Variants in STRN3 observed in about 807,000 individuals in gnomAD.
The protein encoded by STRN3 is striatin 3.
STRN3 carries 29 observed loss-of-function variants against 95.6 expected under a neutral mutation model. That is an observed-to-expected ratio of 0.30 (90% CI 0.23 to 0.41). STRN3 has a LOEUF of 0.41. Ranked by LOEUF, STRN3 falls within the 10% of genes least tolerant of loss-of-function variation. The pLI, the probability that STRN3 is intolerant of heterozygous loss-of-function variation, is 1.00. For synonymous variants in STRN3, 331 were observed against 357.6 expected (o/e 0.93, Z 0.84); for missense variants, 890 against 972.1 (o/e 0.92, Z 1.12).
rs759875292 is a variant in STRN3 at position 30,944,517 on chromosome 14, TAATA to T, written c.716+2569_716+2572del. 3.1e-3 allele frequency among the ~76,000 whole-genome samples: 455 copies of T among 145,668 alleles called. 2 individuals are homozygous for T. The highest frequency in any genetic ancestry group is 5.0e-3 in the Non-Finnish European group (336 of 66,756). Reference sequence around the variant, plus strand: ...ACATATATATACATGTATATATACATAATATATACACATATATATACATGTATAT... The same window carrying T: ...ACATATATATACATGTATATATACATTATACACATATATATACATGTATAT... On this transcript the variant is annotated intron_variant, in intron 5 of 17. Transcript: ENST00000357479.
intron 1 of STRN3, among the ~76,000 whole-genome samples, chr14:31,015,507 A>G (rs920804325): frequency 2.0e-5 from 3 of 151,764 alleles, no homozygotes; most frequent in Non-Finnish European, 4.4e-5. Context: ...TGAGTAGCTG[A>G]ACTACAGGCA....
At chr14:30,903,812 CTT>C in intron 15 of STRN3, among the ~76,000 whole-genome samples, 1 of 152,242 alleles carries the variant, frequency 6.6e-6, no homozygotes, top group East Asian at 1.9e-4. Flanking sequence ...TTCCAAGTGA[CTT>C]TAAAGCATAG....
intron 1 of STRN3, among the ~76,000 whole-genome samples, chr14:31,001,702 T>C (rs1429827584): frequency 6.6e-6 from 1 of 152,190 alleles, no homozygotes; most frequent in East Asian, 1.9e-4. Context: ...ACAGCAACAC[T>C]ATTCACAATT....
intron 15 of STRN3, 33 bp downstream of exon 15, chr14:30,905,381 CTTTT>C (rs758337363): frequency 6.4e-7 from 1 of 1,554,506 alleles, no homozygotes; most frequent in Non-Finnish European, 8.6e-7. Context: ...TGTAATAACC[CTTTT>C]TAAGGTTTCA....
intron 1 of STRN3, among the ~76,000 whole-genome samples, chr14:31,007,708 T>C (rs1467107144): frequency 6.6e-6 from 1 of 150,888 alleles, no homozygotes; most frequent in Admixed American, 6.6e-5. Flanking sequence ...TTCAAGACCA[T>C]CCTAGGCAAA....
chr14:30,929,139 TGAA>T lies in STRN3; in HGVS notation c.1099+59_1099+61del, dbSNP rs1449832062. ...ATTAAGTTACACAAAGAAACAGAAT[TGAA>T]GAACTTTTTTCTCAATTATTGGTAT... On this transcript the variant is annotated intron_variant, in intron 8 of 17. Coordinates refer to ENST00000357479, the MANE Select transcript of STRN3 (RefSeq NM_001083893.2). The T allele has an allele frequency of 3.6e-6, 5 of 1,388,904 alleles. No individual in the cohort carries two copies. In the Admixed American group the frequency reaches 1.1e-4, roughly 31 times the overall value. 86.0% of individuals were successfully genotyped at this position (1,388,904 alleles called of 1,614,324 possible). A position where few individuals can be genotyped will look rare whatever the true frequency, so the allele number is the denominator to read the frequency against.
At chr14:30,941,107 A>T (rs900575307) in intron 5 of STRN3, among the ~76,000 whole-genome samples, 1 of 152,184 alleles carries the variant, frequency 6.6e-6, no homozygotes, top group Non-Finnish European at 1.5e-5. Flanking sequence ...TCTTCACCAG[A>T]ACCCAACCAT....
rs1305462986 is a variant in STRN3 at position 30,936,476 on chromosome 14, T to C, written c.846+19A>G. 1.2e-6 allele frequency: 2 copies of C among 1,606,498 alleles called. No homozygotes were observed. The highest frequency in any genetic ancestry group is 2.2e-5 in the East Asian group (1 of 44,736). Reference sequence around the variant, plus strand: ...TACATGAATATATAGCTAATAAGAATATAAAATGTAATTCCTACTTTATGT... The same window carrying C: ...TACATGAATATATAGCTAATAAGAACATAAAATGTAATTCCTACTTTATGT... On this transcript the variant is annotated intron_variant, in intron 6 of 17. Transcript: ENST00000357479.
At chr14:31,002,268 TCGAGAC>T (rs1413238107) in intron 1 of STRN3, among the ~76,000 whole-genome samples, 2 of 148,502 alleles carry the variant, frequency 1.3e-5, no homozygotes, top group Non-Finnish European at 1.5e-5. Context: ...GGTCAGGATA[TCGAGAC>T]CATCCTGCCT....
intron 1 of STRN3, among the ~76,000 whole-genome samples, chr14:31,003,551 G>C (rs1161758021): frequency 6.6e-6 from 1 of 152,006 alleles, no homozygotes; most frequent in Admixed American, 6.6e-5. Context: ...CACTCCATTA[G>C]TTCCAGCAAA....
intron 7 of STRN3, among the ~76,000 whole-genome samples, chr14:30,930,332 T>C (rs1878469043): frequency 6.6e-6 from 1 of 152,158 alleles, no homozygotes; most frequent in Non-Finnish European, 1.5e-5. Context: ...ATATTCTGGC[T>C]AACAAGTTTT....
At chr14:30,971,473 TA>T (rs1320115778) in intron 1 of STRN3, among the ~76,000 whole-genome samples, 2 of 152,204 alleles carry the variant, frequency 1.3e-5, no homozygotes, top group East Asian at 3.8e-4. Context: ...GTAGATTGGA[TA>T]AACTATATCT....
chr14:30,948,892 C>T (rs1339200867), intron 4 of STRN3, among the ~76,000 whole-genome samples: 1 of 152,184 alleles, frequency 6.6e-6, no homozygotes, highest in East Asian at 1.9e-4. Context: ...TTGGGGAGAA[C>T]AGCTCCCATC....
intron 1 of STRN3, among the ~76,000 whole-genome samples, chr14:31,018,099 G>A (rs1883329391): frequency 7.0e-6 from 1 of 142,470 alleles, no homozygotes; most frequent in Non-Finnish European, 1.6e-5. Context: ...AAAAAAAAAA[G>A]GAAATTAATT....
rs755650146 is a variant in STRN3 at position 30,984,266 on chromosome 14, TAAAAA to T, written c.283-28029_283-28025del. The stretch of plus-strand genomic sequence containing the variant: ...AAAGAAAGAAAAGGATGAGGAATTC[TAAAAA>T]AAAAAAAAAAAAAAAAAAAAACAGA... On this transcript the variant is annotated intron_variant, in intron 1 of 17. Transcript: ENST00000357479. Among the ~76,000 whole-genome samples, 50 of 86,870 alleles carry T rather than the reference TAAAAA, an allele frequency of 5.8e-4. 1 individual carries two copies. The highest frequency in any genetic ancestry group is 1.1e-3 in the South Asian group (2 of 1,828). The allele number at this position is 86,870 out of a possible 152,430, so 57.0% of individuals were successfully genotyped here.
chr14:30,968,678 CAA>C (rs202184920), intron 1 of STRN3, among the ~76,000 whole-genome samples: 150 of 127,832 alleles, frequency 1.2e-3, no homozygotes, highest in Non-Finnish European at 1.2e-3. Flanking sequence ...GACTCCATCT[CAA>C]AAAAAAAAAA....
intron 8 of STRN3, among the ~76,000 whole-genome samples, chr14:30,920,827 C>A (rs1393237211): frequency 6.6e-6 from 1 of 152,124 alleles, no homozygotes; most frequent in African/African-American, 2.4e-5. Context: ...AGCAGCACTT[C>A]CACACTCTTT....
chr14:31,006,118 CAA>C (rs370320880), intron 1 of STRN3, among the ~76,000 whole-genome samples: 6 of 75,232 alleles, frequency 8.0e-5, no homozygotes, highest in Admixed American at 1.3e-4. Flanking sequence ...GACTCTGTCT[CAA>C]AAAAAAAAAA....
intron 1 of STRN3, among the ~76,000 whole-genome samples, chr14:30,982,190 T>C (rs1881444531): frequency 6.6e-6 from 1 of 151,702 alleles, no homozygotes; most frequent in South Asian, 2.1e-4. Flanking sequence ...TTATCTCTTC[T>C]ACTTATAATA....
Sources: gnomAD v4.1 joint callset for allele counts (sites outside exome capture counted in the v4.1 genomes callset) on GRCh38, gnomAD v4.1.1 for gene constraint, MANE v1.5 for transcripts, NCBI Gene and HGNC (gene_info 2026-07-23, HGNC 2026-07-21) for gene names.